The following GALNT15 variants were observed in gnomAD, a reference collection of about 807,000 sequenced individuals.
GALNT15 encodes UDP-GalNAc transferase T15.
A neutral mutation model predicts 66.8 loss-of-function variants in GALNT15; 67 were observed. The observed-to-expected ratio is 1.00, with a 90% CI of 0.82 to 1.23. The LOEUF (loss-of-function observed/expected upper bound fraction) is 1.23. GALNT15 is among the 50% of genes most tolerant of loss of function. The pLI is 0.00. For missense variants in GALNT15, 827 were observed against 804.3 expected (o/e 1.03, Z -0.34); for synonymous variants, 313 against 311.5 (o/e 1.00, Z -0.05).
chr3:16,224,254 A>C lies in GALNT15; in HGVS notation c.1773+1496A>C, dbSNP rs2063981601. Among the ~76,000 whole-genome samples the C allele has an allele frequency of 6.6e-6, 1 of 152,236 alleles. No homozygotes were observed. The highest frequency in any genetic ancestry group is 2.1e-4 in the South Asian group (1 of 4,830). Reference sequence around the variant, plus strand: ...ATAGTGGCACTGTTGACAATAGCCAAGAAGTGAAAGCAACCCAGGTGTCCA... The same window carrying C: ...ATAGTGGCACTGTTGACAATAGCCACGAAGTGAAAGCAACCCAGGTGTCCA... On this transcript the variant is annotated intron_variant, in intron 9 of 9. Coordinates refer to ENST00000339732, the MANE Select transcript of GALNT15 (RefSeq NM_054110.5). The surrounding 1 kb of genome is among the most constrained non-coding windows in gnomAD (Gnocchi z 5.2).
At position 16,175,674 on chromosome 3, in the gene GALNT15, G is replaced by A. The variant is rs777187263; in HGVS notation, c.523G>A (p.Glu175Lys). ...ARIPLQRALP[E>K]VRHPLCLQQH... Reference sequence around the variant, plus strand: ...CATCCCCCTCCAGAGGGCTCTGCCCGAGGTGCGGCACCCACTGTAAGTAAG... The same window carrying A: ...CATCCCCCTCCAGAGGGCTCTGCCCAAGGTGCGGCACCCACTGTAAGTAAG... The change falls in exon 1 of 10, where the codon GAG (glutamate) becomes AAG (lysine). Residue 175 changes from glutamate (E) to lysine (K), a missense_variant. Physicochemically the swap from Glu to Lys is moderately conservative, Grantham distance 56. Coordinates refer to ENST00000339732, the MANE Select transcript of GALNT15 (RefSeq NM_054110.5). The surrounding 1 kb of genome is among the most constrained non-coding windows in gnomAD (Gnocchi z 5.6). The A allele has an allele frequency of 1.4e-5, 23 of 1,596,922 alleles. No individual in the cohort carries two copies. The highest frequency in any genetic ancestry group is 2.7e-5 in the African/African-American group (2 of 74,620).
At chr3:16,237,467 GT>G in the GALNT15 span, among the ~76,000 whole-genome samples, 1 of 152,190 alleles carries the variant, frequency 6.6e-6, no homozygotes, top group Non-Finnish European at 1.5e-5. The surrounding 1 kb of genome is among the most constrained non-coding windows in gnomAD (Gnocchi z 4.2). Context: ...CTCATGGACA[GT>G]TCCAAGCTCT....
rs911489673 is a variant in GALNT15 at position 16,219,006 on chromosome 3, G to A, written c.1393-397G>A. ...ATTTTTTGTATTTTTAGTAGAGATG[G>A]GGTTTCACCATGTTGGCCAGGCTGG... On this transcript the variant is annotated intron_variant, in intron 6 of 9. Coordinates refer to ENST00000339732, the MANE Select transcript of GALNT15 (RefSeq NM_054110.5). This position sits in a 1 kb window ranked among gnomAD's most constrained non-coding sequence, Gnocchi z 4.3. 1.3e-5 allele frequency among the ~76,000 whole-genome samples: 2 copies of A among 151,954 alleles called. No individual in the cohort carries two copies. The highest frequency in any genetic ancestry group is 4.8e-5 in the African/African-American group (2 of 41,380).
Position 16,229,815 on chromosome 3 carries a change from A to G in GALNT15, c.*2315A>G. On this transcript the variant is annotated 3_prime_UTR_variant, in exon 10 of 10. Coordinates refer to ENST00000339732, the MANE Select transcript of GALNT15 (RefSeq NM_054110.5). ...TATTGCCTAATTGGGTGAACAAAGC[A>G]AGAATATGGTGTTTCTTGCTTCCTT... The G allele has an allele frequency of 1.2e-6, 1 of 849,356 alleles. No homozygotes were observed. The highest frequency in any genetic ancestry group is 1.4e-6 in the Non-Finnish European group (1 of 705,756). 52.6% of individuals were successfully genotyped at this position (849,356 alleles called of 1,614,324 possible).
intron 6 of GALNT15, among the ~76,000 whole-genome samples, chr3:16,214,302 C>A (rs1474276400): frequency 1.3e-5 from 2 of 152,184 alleles, no homozygotes; most frequent in Non-Finnish European, 1.5e-5. Flanking sequence ...GATCTAGAAG[C>A]TGTATAGTCT....
chr3:16,198,504 G>A (rs2063663867), intron 2 of GALNT15, among the ~76,000 whole-genome samples: 1 of 141,496 alleles, frequency 7.1e-6, no homozygotes, highest in Admixed American at 7.2e-5. Context: ...ACAGTGGAAG[G>A]GGAGAATGAA....
At chr3:16,237,598 C>A in the GALNT15 span, among the ~76,000 whole-genome samples, 1 of 152,162 alleles carries the variant, frequency 6.6e-6, no homozygotes, top group Non-Finnish European at 1.5e-5. This position sits in a 1 kb window ranked among gnomAD's most constrained non-coding sequence, Gnocchi z 4.2. Context: ...GATCTGAGTA[C>A]CCAGGTGGAA....
rs147476687 is a variant in GALNT15 at position 16,220,209 on chromosome 3, A to G, written c.1629+195A>G. 37 of 581,942 alleles carry G rather than the reference A, an allele frequency of 6.4e-5. No homozygotes were observed. In the East Asian group the frequency reaches 1.0e-3, roughly 16 times the overall value. 36.0% of individuals were successfully genotyped at this position (581,942 alleles called of 1,614,324 possible). A position where few individuals can be genotyped will look rare whatever the true frequency, so the allele number is the denominator to read the frequency against. ...CTCACCTCCATCTGTAAGCACAGAC[A>G]TGTGCCATTGTCAGAAAATAAAAGC... On this transcript the variant is annotated intron_variant, in intron 8 of 9. Coordinates refer to ENST00000339732, the MANE Select transcript of GALNT15 (RefSeq NM_054110.5).
chr3:16,208,570 G>A lies in GALNT15; in HGVS notation c.979G>A (p.Asp327Asn). 1 of 1,614,102 alleles carries A rather than the reference G, an allele frequency of 6.2e-7. No individual in the cohort carries two copies. Among genetic ancestry groups the A allele is most frequent in the Middle Eastern group, 1.6e-4 (1 of 6,062 alleles). ...GACTTTCCAGTATTACCCCTCAAAG[G>A]ACCTGCAGCGTGGGGTGTTGGACTG... ...WKTFQYYPSK[D>N]LQRGVLDWKL... Residue 327 changes from aspartate to asparagine, a missense_variant, in exon 4 of 10, where the codon GAC (aspartate) becomes AAC (asparagine). By Grantham distance (23) the Asp-to-Asn change is conservative (BLOSUM62 1). Coordinates refer to ENST00000339732, the MANE Select transcript of GALNT15 (RefSeq NM_054110.5).
At chr3:16,190,606 C>G (rs571575232) in intron 1 of GALNT15, among the ~76,000 whole-genome samples, 1 of 147,182 alleles carries the variant, frequency 6.8e-6, no homozygotes, top group South Asian at 2.1e-4. Flanking sequence ...CCACTGCACT[C>G]CAGCCTGGGG....
rs2063599901 is a variant in GALNT15, at chr3:16,193,364, T to A, written c.540-2396T>A. Among the ~76,000 whole-genome samples the A allele has an allele frequency of 6.6e-6, 1 of 152,226 alleles. No homozygotes were observed. The highest frequency in any genetic ancestry group is 1.5e-5 in the Non-Finnish European group (1 of 68,046). On this transcript the variant is annotated intron_variant, in intron 1 of 9. Transcript: ENST00000339732. This position sits in a 1 kb window ranked among gnomAD's most constrained non-coding sequence, Gnocchi z 4.7. The stretch of plus-strand genomic sequence containing the variant: ...TATATTCCTCAGCTCCTGACTTTTC[T>A]TCCTTATTTTTATTTTACCATCATT...
chr3:16,232,469 A>AATAAATAAATAAATAAATAAAT (rs1553689248), downstream of GALNT15, among the ~76,000 whole-genome samples: 2 of 38,754 alleles, frequency 5.2e-5, no homozygotes, highest in African/African-American at 1.6e-4. Flanking sequence ...TAAATAAATA[A>AATAAATAAATAAATAAATAAAT]ATATATATAT....
At position 16,200,276 on chromosome 3, in the gene GALNT15, C is replaced by T. The variant is rs760406258; in HGVS notation, c.707-343C>T. Among the ~76,000 whole-genome samples, 13 of 152,208 alleles carry T rather than the reference C, an allele frequency of 8.5e-5. No individual in the cohort carries two copies. The highest frequency in any genetic ancestry group is 1.3e-4 in the Non-Finnish European group (9 of 68,032). ...CACATAGGGATTATGGGGATTACCA[C>T]TCAAGATGAGATCTGGGTGGGGACA... On this transcript the variant is annotated intron_variant, in intron 2 of 9. Coordinates refer to ENST00000339732, the MANE Select transcript of GALNT15 (RefSeq NM_054110.5). The surrounding 1 kb of genome is among the most constrained non-coding windows in gnomAD (Gnocchi z 4.4).
rs777322840 is a variant in GALNT15 at position 16,191,020 on chromosome 3, T to A, written c.540-4740T>A. Among the ~76,000 whole-genome samples, 10 of 152,222 alleles carry A rather than the reference T, an allele frequency of 6.6e-5. No homozygotes were observed. In the East Asian group the frequency reaches 1.2e-3, roughly 18 times the overall value. On this transcript the variant is annotated intron_variant, in intron 1 of 9. Coordinates refer to ENST00000339732, the MANE Select transcript of GALNT15 (RefSeq NM_054110.5). The surrounding 1 kb of genome is among the most constrained non-coding windows in gnomAD (Gnocchi z 5.2). ...CCACAGCTTGGCGGGGCATCCCCCATAGCCTTGTAATGGCTTTCAAGAACC... is the reference window on the plus strand; with the variant it reads ...CCACAGCTTGGCGGGGCATCCCCCAAAGCCTTGTAATGGCTTTCAAGAACC...
intron 4 of GALNT15, 117 bp downstream of exon 4, chr3:16,208,787 C>T (rs930685544): frequency 3.4e-6 from 3 of 888,462 alleles, no homozygotes; most frequent in African/African-American, 3.3e-5. Context: ...TTAATGTATG[C>T]CACAGTTTCC....
chr3:16,175,419 C>T lies in GALNT15; in HGVS notation c.268C>T (p.Leu90=), dbSNP rs555810976. The part of the protein sequence containing the change: ...PLEGLPPFIS[L]REDQLLVAVA... ...GGAGGGCCTGCCACCCTTTATCTCA[C>T]TGCGGGAGGATCAGCTGCTGGTGGC... The change falls in exon 1 of 10, where the codon CTG becomes TTG. Residue 90 remains leucine (L), a synonymous_variant. Transcript: ENST00000339732. The surrounding 1 kb of genome is among the most constrained non-coding windows in gnomAD (Gnocchi z 5.6). 2 of 1,614,194 alleles carry T rather than the reference C, an allele frequency of 1.2e-6. No individual in the cohort carries two copies. The highest frequency in any genetic ancestry group is 2.7e-5 in the African/African-American group (2 of 75,040).
intron 9 of GALNT15, 81 bp downstream of exon 9, chr3:16,222,839 C>T: frequency 6.6e-7 from 1 of 1,503,902 alleles, no homozygotes; most frequent in Non-Finnish European, 9.1e-7. Flanking sequence ...CTGGGCTCTT[C>T]CAAGAGGTCA....
rs543264667 is a variant in GALNT15 at position 16,195,907 on chromosome 3, G to A, written c.687G>A (p.Val229=). The change falls in exon 2 of 10, where the codon GTG becomes GTA. Residue 229 remains valine (V), a synonymous_variant. Transcript: ENST00000339732. The surrounding 1 kb of genome is among the most constrained non-coding windows in gnomAD (Gnocchi z 4.6). ...CCTTCCTGAAGGAGATCATCCTCGT[G>A]GACGACCTCAGCCAGCAAGGTAGCC... ...PRAFLKEIIL[V]DDLSQQGQLK... is the part of the protein sequence containing the mutation. 2 of 1,614,104 alleles carry A rather than the reference G, an allele frequency of 1.2e-6. No individual in the cohort carries two copies. Among genetic ancestry groups the A allele is most frequent in the East Asian group, 4.5e-5 (2 of 44,876 alleles).
Position 16,187,616 on chromosome 3 carries a change from AG to A in GALNT15, c.540-8142del, listed in dbSNP as rs1329144728. Among the ~76,000 whole-genome samples the A allele has an allele frequency of 6.6e-6, 1 of 152,212 alleles. No homozygotes were observed. The highest frequency in any genetic ancestry group is 1.9e-4 in the East Asian group (1 of 5,194). ...CTAGTACATTCTATTGGTCTAAGGA[AG>A]GCACAAGGCCAGCCAGACTTAGGGG... is the stretch of plus-strand genomic sequence containing the variant. On this transcript the variant is annotated intron_variant, in intron 1 of 9. Transcript: ENST00000339732. The surrounding 1 kb of genome is among the most constrained non-coding windows in gnomAD (Gnocchi z 5.1).
Sources: gnomAD v4.1 joint callset for allele counts (sites outside exome capture counted in the v4.1 genomes callset) on GRCh38, gnomAD v4.1.1 for gene constraint, Gnocchi (gnomAD v3.1) non-coding constraint, MANE v1.5 for transcripts, NCBI Gene and HGNC (gene_info 2026-07-23, HGNC 2026-07-21) for gene names.